The following SUGCT variants were observed in gnomAD, a reference collection of about 807,000 sequenced individuals.
The protein encoded by SUGCT is succinyl-CoA:glutarate CoA-transferase.
SUGCT carries 41 observed loss-of-function variants against 55.0 expected under a neutral mutation model. The ratio of observed to expected loss-of-function variants is 0.74; its 90% CI spans 0.58 to 0.97. The LOEUF is 0.97. Among genes scored for constraint, SUGCT ranks in the 50% least tolerant of loss-of-function variants. SUGCT has a pLI of 0.00. For synonymous variants in SUGCT, 187 were observed against 200.4 expected, an observed-to-expected ratio of 0.93 and a Z score of 0.56; for missense variants, 568 against 547.8, an observed-to-expected ratio of 1.04 and a Z score of -0.37.
chr7:40,673,517 T>C (rs1175644509), intron 12 of SUGCT, among the ~76,000 whole-genome samples: 1 of 152,222 alleles, frequency 6.6e-6, no homozygotes, highest in African/African-American at 2.4e-5. Context: ...ATTTAAATCT[T>C]GCCTCAAAGC....
chr7:40,423,670 C>T (rs553944953), intron 9 of SUGCT, among the ~76,000 whole-genome samples: 1 of 152,100 alleles, frequency 6.6e-6, no homozygotes, highest in Non-Finnish European at 1.5e-5. Flanking sequence ...AACCTCATTA[C>T]ACTGGCTCCA....
intron 11 of SUGCT, among the ~76,000 whole-genome samples, chr7:40,478,847 T>C (rs976858999): frequency 6.6e-6 from 1 of 152,130 alleles, no homozygotes; most frequent in Non-Finnish European, 1.5e-5. Context: ...CTAATATTAA[T>C]CTAATCCATG....
the SUGCT span, among the ~76,000 whole-genome samples, chr7:40,868,813 G>A: frequency 2.6e-5 from 4 of 152,130 alleles, no homozygotes; most frequent in African/African-American, 4.8e-5. Flanking sequence ...CTCCCAAAGT[G>A]CTCGGATTAC....
chr7:40,825,348 C>T (rs1224234679), intron 13 of SUGCT, among the ~76,000 whole-genome samples: 1 of 152,052 alleles, frequency 6.6e-6, no homozygotes, highest in East Asian at 1.9e-4. Context: ...ACATAACAAA[C>T]AAGTGAGGTC....
At chr7:40,777,573 T>C (rs929956739) in intron 13 of SUGCT, among the ~76,000 whole-genome samples, 1 of 152,122 alleles carries the variant, frequency 6.6e-6, no homozygotes, top group Non-Finnish European at 1.5e-5. Context: ...TTGCTTGAAG[T>C]ACTCACATGA....
intron 13 of SUGCT, among the ~76,000 whole-genome samples, chr7:40,764,577 G>C (rs1448198943): frequency 6.6e-6 from 1 of 151,856 alleles, no homozygotes; most frequent in African/African-American, 2.4e-5. Flanking sequence ...TGACAGGAAG[G>C]TTAAAAAAAA....
At chr7:40,345,183 A>C (rs1200703209) in intron 9 of SUGCT, among the ~76,000 whole-genome samples, 1 of 152,212 alleles carries the variant, frequency 6.6e-6, no homozygotes, top group Non-Finnish European at 1.5e-5. Flanking sequence ...TTTGAGAGGA[A>C]AAAAGGGAAA....
chr7:40,610,907 G>A (rs992556686), intron 12 of SUGCT, among the ~76,000 whole-genome samples: 1 of 152,142 alleles, frequency 6.6e-6, no homozygotes. Flanking sequence ...AATTCTCAAA[G>A]CAACTGAATG....
At chr7:40,744,374 A>G (rs990753831) in intron 12 of SUGCT, among the ~76,000 whole-genome samples, 1 of 152,174 alleles carries the variant, frequency 6.6e-6, no homozygotes, top group Non-Finnish European at 1.5e-5. Context: ...GGTGCAGCTC[A>G]GTGTATTAAC....
chr7:40,864,895 G>A (rs181638501), downstream of SUGCT, among the ~76,000 whole-genome samples: 30 of 152,198 alleles, frequency 2.0e-4, no homozygotes, highest in East Asian at 5.4e-3. Flanking sequence ...TACTCACCTC[G>A]ATTTTTCATG....
At chr7:40,944,702 G>A in the SUGCT span, among the ~76,000 whole-genome samples, 1 of 152,182 alleles carries the variant, frequency 6.6e-6, no homozygotes, top group Non-Finnish European at 1.5e-5. Flanking sequence ...CGGGTAGCGT[G>A]ATGCCTCCAG....
intron 12 of SUGCT, among the ~76,000 whole-genome samples, chr7:40,560,554 G>A (rs1294231034): frequency 3.3e-5 from 5 of 152,158 alleles, no homozygotes; most frequent in East Asian, 1.9e-4. Flanking sequence ...TAGGAATGAT[G>A]TACCTTAAGG....
the SUGCT span, among the ~76,000 whole-genome samples, chr7:40,876,239 C>T: frequency 2.6e-5 from 4 of 152,098 alleles, no homozygotes; most frequent in African/African-American, 4.8e-5. Context: ...ATAATAACTC[C>T]GTAAGATTGA....
chr7:40,205,498 G>A (rs575506326), intron 6 of SUGCT, among the ~76,000 whole-genome samples: 22 of 151,780 alleles, frequency 1.4e-4, no homozygotes, highest in Admixed American at 5.9e-4. Flanking sequence ...AAAATTAACC[G>A]GGCATGGTGG....
chr7:40,236,140 C>T (rs1312024026), intron 6 of SUGCT, among the ~76,000 whole-genome samples: 1 of 152,108 alleles, frequency 6.6e-6, no homozygotes, highest in East Asian at 1.9e-4. Context: ...TCACTGTAAC[C>T]TCTGCCTCCC....
At chr7:40,530,493 G>T (rs984420855) in intron 12 of SUGCT, among the ~76,000 whole-genome samples, 1 of 152,156 alleles carries the variant, frequency 6.6e-6, no homozygotes, top group Non-Finnish European at 1.5e-5. Context: ...TAGCTTTGTG[G>T]TATATTGGAG....
At chr7:40,583,443 T>TCA (rs948948810) in intron 12 of SUGCT, among the ~76,000 whole-genome samples, 4 of 152,130 alleles carry the variant, frequency 2.6e-5, no homozygotes, top group Admixed American at 2.6e-4. Context: ...TCATTGAAAA[T>TCA]CACATATCCT....
intron 12 of SUGCT, among the ~76,000 whole-genome samples, chr7:40,586,126 G>A (rs1261266130): frequency 1.3e-5 from 2 of 152,054 alleles, no homozygotes; most frequent in Non-Finnish European, 2.9e-5. Flanking sequence ...AAGGTAGAAT[G>A]TCTTGCACAG....
intron 12 of SUGCT, chr7:40,684,099 A>G (rs1351971787): frequency 1.2e-6 from 2 of 1,611,828 alleles, no homozygotes; most frequent in Non-Finnish European, 1.7e-6. Flanking sequence ...TCCTTGGCCC[A>G]TGGCCCCTTC....
Sources: gnomAD v4.1 joint callset for allele counts (sites outside exome capture counted in the v4.1 genomes callset) on GRCh38, gnomAD v4.1.1 for gene constraint, MANE v1.5 for transcripts, NCBI Gene and HGNC (gene_info 2026-07-23, HGNC 2026-07-21) for gene names.